The following ITGBL1 variants were observed in gnomAD, a reference collection of about 807,000 sequenced individuals.
ITGBL1 encodes the protein integrin beta-like protein 1.
Under a neutral mutation model 68.5 loss-of-function variants are expected in ITGBL1, and 51 were observed. The observed-to-expected ratio is 0.74, with a 90% CI of 0.59 to 0.94. ITGBL1 has a LOEUF of 0.94. Among genes scored for constraint, ITGBL1 ranks in the 40% least tolerant of loss-of-function variants. The probability of loss-of-function intolerance (pLI) is 0.00; values close to 1 mark genes in which losing one functional copy is unlikely to be tolerated. For synonymous variants in ITGBL1, 209 were observed against 227.3 expected, an observed-to-expected ratio of 0.92 and a Z score of 0.72; for missense variants, 649 against 647.4, an observed-to-expected ratio of 1.00 and a Z score of -0.03.
chr13:101,598,349 A>G (rs1292189605), intron 7 of ITGBL1, 50 bp downstream of exon 7: 9 of 1,356,672 alleles, frequency 6.6e-6, no homozygotes, highest in South Asian at 1.8e-5. Context: ...CACAATTCAA[A>G]TGAATTCAAT....
intron 7 of ITGBL1, among the ~76,000 whole-genome samples, chr13:101,611,325 G>C (rs369473202): frequency 3.3e-5 from 5 of 152,222 alleles, no homozygotes; most frequent in African/African-American, 1.2e-4. Context: ...GTTTTTCCAT[G>C]AACAAGACAA....
chr13:101,713,151 G>T (rs1450680915), intron 9 of ITGBL1: 1 of 152,160 alleles, frequency 6.6e-6, no homozygotes, highest in East Asian at 1.9e-4. Context: ...GGACTTTGGG[G>T]ATTTTTGCAG....
Position 101,604,887 on chromosome 13 carries a change from T to TATATATATACAC in ITGBL1, c.1015+6589_1015+6590insTATATATACACA. On this transcript the variant is annotated intron_variant, in intron 7 of 10. Transcript: ENST00000376180. The stretch of plus-strand genomic sequence containing the variant: ...ATATATATATATATATATATATATA[T>TATATATATACAC]ACACACACACACACATATATATGTG... 2.8e-3 allele frequency among the ~76,000 whole-genome samples: 61 copies of TATATATATACAC among 22,168 alleles called. 8 individuals are homozygous for TATATATATACAC. Among genetic ancestry groups the TATATATATACAC allele is most frequent in the Admixed American group, 4.1e-3 (5 of 1,230 alleles). The allele number at this position is 22,168 out of a possible 152,430, so 14.5% of individuals were successfully genotyped here.
At chr13:101,665,511 A>G (rs1372523803) in intron 7 of ITGBL1, among the ~76,000 whole-genome samples, 4 of 152,172 alleles carry the variant, frequency 2.6e-5, no homozygotes, top group Non-Finnish European at 5.9e-5. Flanking sequence ...TATTAATTGT[A>G]TGTAGCTTCT....
intron 7 of ITGBL1, among the ~76,000 whole-genome samples, chr13:101,600,031 A>G (rs1050967619): frequency 6.6e-6 from 1 of 152,164 alleles, no homozygotes; most frequent in African/African-American, 2.4e-5. Context: ...CTTGGGCAGT[A>G]TGGCCATTTT....
At chr13:101,633,391 G>A (rs7983474) in intron 7 of ITGBL1, among the ~76,000 whole-genome samples, 18,449 of 152,158 alleles carry the variant, frequency 0.12, 1,603 homozygotes, top group African/African-American at 0.25. Context: ...ATTTCAAAAA[G>A]TGTATGAGTT....
intron 2 of ITGBL1, among the ~76,000 whole-genome samples, chr13:101,561,028 G>A (rs957423983): frequency 3.9e-5 from 6 of 152,128 alleles, no homozygotes; most frequent in Non-Finnish European, 5.9e-5. Flanking sequence ...GAAGTCACAG[G>A]AAAAGCAACT....
intron 2 of ITGBL1, among the ~76,000 whole-genome samples, chr13:101,515,670 G>T (rs1164462264): frequency 6.6e-6 from 1 of 152,004 alleles, no homozygotes; most frequent in Non-Finnish European, 1.5e-5. Flanking sequence ...TATTTCTGCT[G>T]TGCAGTAGAG....
chr13:101,495,938 A>G lies in ITGBL1; in HGVS notation c.316+41838A>G, dbSNP rs986602952. Among the ~76,000 whole-genome samples the G allele has an allele frequency of 1.4e-4, 22 of 152,300 alleles. No homozygotes were observed. The East Asian group carries it at 4.1e-3, about 28-fold the overall frequency. The stretch of plus-strand genomic sequence containing the variant: ...GAGAAACTGATATATCTTACATTGT[A>G]TATTTCATAATATAGTGAAACATTT... On this transcript the variant is annotated intron_variant, in intron 2 of 10. Transcript: ENST00000376180.
intron 2 of ITGBL1, among the ~76,000 whole-genome samples, chr13:101,506,024 C>A (rs545698486): frequency 6.6e-6 from 1 of 152,296 alleles, no homozygotes; most frequent in Non-Finnish European, 1.5e-5. Flanking sequence ...AGAAAGAGAT[C>A]TATTAGCAAG....
chr13:101,644,997 G>T (rs955852211), intron 7 of ITGBL1, among the ~76,000 whole-genome samples: 1 of 152,130 alleles, frequency 6.6e-6, no homozygotes, highest in African/African-American at 2.4e-5. Context: ...GTAAATTGGA[G>T]AATTGCATTA....
chr13:101,715,455 A>C, intron 10 of ITGBL1, 108 bp from the exon 11 acceptor site: 3 of 806,584 alleles, frequency 3.7e-6, no homozygotes, highest in Non-Finnish European at 2.2e-6. Context: ...AAAATCTACC[A>C]AGGATGAATG....
At chr13:101,628,091 C>A (rs2031847238) in intron 7 of ITGBL1, among the ~76,000 whole-genome samples, 1 of 152,246 alleles carries the variant, frequency 6.6e-6, no homozygotes, top group African/African-American at 2.4e-5. Flanking sequence ...GTTTTCTCCA[C>A]ATCCTTGCCA....
chr13:101,718,454 A>AATC (rs1421469747), downstream of ITGBL1: 1 of 152,158 alleles, frequency 6.6e-6, no homozygotes, highest in Admixed American at 6.6e-5. Flanking sequence ...AAAATAAGCA[A>AATC]ATCTCATTGG....
intron 8 of ITGBL1, among the ~76,000 whole-genome samples, chr13:101,699,400 A>G (rs952638135): frequency 1.3e-5 from 2 of 152,120 alleles, no homozygotes; most frequent in African/African-American, 4.8e-5. Flanking sequence ...CGCAAATTTC[A>G]TCTTGAATTG....
chr13:101,653,942 C>T (rs1490919430), intron 7 of ITGBL1, among the ~76,000 whole-genome samples: 2 of 147,662 alleles, frequency 1.4e-5, no homozygotes, highest in South Asian at 2.1e-4. Flanking sequence ...GATCTCTTGA[C>T]TTCGTGATCT....
intron 2 of ITGBL1, among the ~76,000 whole-genome samples, chr13:101,477,733 A>G (rs780829390): frequency 3.3e-5 from 5 of 152,104 alleles, no homozygotes; most frequent in Admixed American, 6.6e-5. Context: ...GAAGAAATGG[A>G]TAAATTCCTA....
At chr13:101,671,189 AG>A (rs2033348661) in intron 7 of ITGBL1, among the ~76,000 whole-genome samples, 1 of 152,148 alleles carries the variant, frequency 6.6e-6, no homozygotes, top group African/African-American at 2.4e-5. Context: ...CAGTAGGCCA[AG>A]CGAAAATTTC....
chr13:101,485,708 C>T (rs1435215955), intron 2 of ITGBL1, among the ~76,000 whole-genome samples: 3 of 152,178 alleles, frequency 2.0e-5, no homozygotes, highest in Admixed American at 1.3e-4. Context: ...AGGAGAATGG[C>T]GTGAACCCGG....
Sources: allele counts gnomAD v4.1 joint callset (sites outside exome capture counted in the v4.1 genomes callset), GRCh38; gene constraint gnomAD v4.1.1; transcripts MANE v1.5; gene names NCBI Gene and HGNC (gene_info 2026-07-23, HGNC 2026-07-21).